Variants in SAXO5 observed in about 807,000 individuals in gnomAD.
SAXO5 encodes stabilizer of axonemal microtubules 5, also known as testis expressed 45.
the SAXO5 span, chr19:7,504,285 G>A: frequency 1.2e-6 from 2 of 1,613,904 alleles, no homozygotes; most frequent in Non-Finnish European, 1.7e-6. Context: ...GGTGGTTTGG[G>A]CCTTCCTATC....
the SAXO5 span, among the ~76,000 whole-genome samples, chr19:7,502,301 A>T: frequency 3.3e-5 from 5 of 152,084 alleles, no homozygotes; most frequent in African/African-American, 1.2e-4. Context: ...GTAGAGATGC[A>T]GTCTTACTAT....
At chr19:7,505,325 TA>T in the SAXO5 span, 1 of 1,613,900 alleles carries the variant, frequency 6.2e-7, no homozygotes, top group Non-Finnish European at 8.5e-7. Context: ...TACGTACAGG[TA>T]TGACAAGGCC....
At chr19:7,503,025 T>G in the SAXO5 span, among the ~76,000 whole-genome samples, 1 of 152,170 alleles carries the variant, frequency 6.6e-6, no homozygotes, top group African/African-American at 2.4e-5. Context: ...TTAACCTCTC[T>G]GAGCCTCAAG....
At chr19:7,504,290 C>T in the SAXO5 span, 10 of 1,613,992 alleles carry the variant, frequency 6.2e-6, no homozygotes, top group South Asian at 3.3e-5. Context: ...TTTGGGCCTT[C>T]CTATCCCTGT....
the SAXO5 span, among the ~76,000 whole-genome samples, chr19:7,503,958 AT>A: frequency 2.0e-5 from 3 of 151,966 alleles, no homozygotes; most frequent in Non-Finnish European, 4.4e-5. Context: ...TTTTATTTTT[AT>A]TTTTATCTTT....
the SAXO5 span, chr19:7,508,401 C>T: frequency 0.32 from 512,675 of 1,610,180 alleles, 83,997 homozygotes; most frequent in Non-Finnish European, 0.34. Context: ...CCCCCAGCCC[C>T]CTATGTACCT....
At chr19:7,502,936 A>T in the SAXO5 span, among the ~76,000 whole-genome samples, 2 of 152,306 alleles carry the variant, frequency 1.3e-5, no homozygotes, top group East Asian at 1.9e-4. Context: ...AGAGGCCCCT[A>T]AGATGGGCTC....
At chr19:7,501,919 AAGGGAGGG>A in the SAXO5 span, among the ~76,000 whole-genome samples, 9 of 51,074 alleles carry the variant, frequency 1.8e-4, no homozygotes, top group Admixed American at 1.4e-3. Flanking sequence ...GACAGAGAGG[AAGGGAGGG>A]AGGGAGGGAG....
At chr19:7,501,368 C>T in the SAXO5 span, 6 of 1,513,320 alleles carry the variant, frequency 4.0e-6, no homozygotes, top group South Asian at 2.6e-5. Flanking sequence ...ACGACGCGCG[C>T]CCGCAGCCTC....
chr19:7,508,080 C>G, the SAXO5 span: 1 of 715,844 alleles, frequency 1.4e-6, no homozygotes, highest in South Asian at 1.8e-5. Context: ...GGCTCCGCCC[C>G]GACCAGCTAG....
the SAXO5 span, chr19:7,504,467 G>T: frequency 7.1e-7 from 1 of 1,414,584 alleles, no homozygotes; most frequent in East Asian, 2.3e-5. Flanking sequence ...CAGCACTTTG[G>T]GAGGCTGAGG....
chr19:7,501,410 G>T, the SAXO5 span: 4 of 1,471,750 alleles, frequency 2.7e-6, no homozygotes, highest in East Asian at 8.0e-5. Flanking sequence ...GTGAGCGCGC[G>T]CCCGGGCTGA....
chr19:7,501,323 C>T, the SAXO5 span: 1 of 1,572,046 alleles, frequency 6.4e-7, no homozygotes, highest in South Asian at 1.1e-5. Context: ...AGTTGCGCAT[C>T]CCGCCCACCA....
At chr19:7,506,193 A>ATGGAGCCCCGCCCCG in the SAXO5 span, 3 of 1,487,640 alleles carry the variant, frequency 2.0e-6, no homozygotes, top group South Asian at 1.2e-5. Flanking sequence ...GCCCCGCCCC[A>ATGGAGCCCCGCCCCG]TGGAGCCCCG....
At chr19:7,501,327 C>T in the SAXO5 span, 1 of 1,570,950 alleles carries the variant, frequency 6.4e-7, no homozygotes, top group Non-Finnish European at 8.6e-7. Flanking sequence ...GCGCATCCCG[C>T]CCACCACGCA....
At chr19:7,505,483 C>T in the SAXO5 span, 1 of 1,613,776 alleles carries the variant, frequency 6.2e-7, no homozygotes, top group South Asian at 1.1e-5. Flanking sequence ...CGCAGCCTCC[C>T]AGGGCAGCTC....
the SAXO5 span, among the ~76,000 whole-genome samples, chr19:7,498,413 T>G: frequency 7.6e-6 from 1 of 131,612 alleles, no homozygotes; most frequent in Non-Finnish European, 1.7e-5. Context: ...TTTTTTTTTT[T>G]GAGACAGAGT....
chr19:7,507,287 A>G, the SAXO5 span: 1 of 707,668 alleles, frequency 1.4e-6, no homozygotes, highest in Non-Finnish European at 2.4e-6. Flanking sequence ...CAGCCTGAAG[A>G]TCATCCCTAG....
chr19:7,505,626 G>A, the SAXO5 span: 1 of 1,613,982 alleles, frequency 6.2e-7, no homozygotes. Flanking sequence ...TCTACGGCCA[G>A]GTGAGCAGGA....
Sources: allele counts gnomAD v4.1 joint callset (sites outside exome capture counted in the v4.1 genomes callset), GRCh38; gene constraint gnomAD v4.1.1; transcripts MANE v1.5; gene names NCBI Gene and HGNC (gene_info 2026-07-23, HGNC 2026-07-21).